Variants in DNAH6 observed in about 807,000 individuals in gnomAD.
DNAH6 encodes the protein dynein axonemal heavy chain 6.
DNAH6 carries 340 observed loss-of-function variants against 491.4 expected under a neutral mutation model. The observed-to-expected ratio is 0.69, with a 90% confidence interval of 0.63 to 0.76. DNAH6 has a LOEUF of 0.76. DNAH6 is among the 30% of genes least tolerant of loss of function. The probability of loss-of-function intolerance (pLI) is 0.00; values close to 1 mark genes in which losing one functional copy is unlikely to be tolerated. For synonymous variants in DNAH6, 1,603 were observed against 1,686.1 expected (o/e 0.95, Z 1.21); for missense variants, 4,443 against 4,972.2 (o/e 0.89, Z 3.20).
At chr2:84,604,153 G>A (rs752459322) in intron 18 of DNAH6, among the ~76,000 whole-genome samples, 186 bp from the exon 19 acceptor site, 2 of 152,062 alleles carry the variant, frequency 1.3e-5, no homozygotes, top group Non-Finnish European at 2.9e-5. Context: ...TTCTGCCCCC[G>A]CAAACTTGGT....
Position 84,688,570 on chromosome 2 carries a change from G to T in DNAH6, c.7269G>T (p.Gln2423His), listed in dbSNP as rs1344862686. The T allele has an allele frequency of 3.2e-6, 5 of 1,542,688 alleles. No homozygotes were observed. In the Admixed American group the frequency reaches 8.3e-5, roughly 26 times the overall value. ...AAGAAGTAAAGTTGGTGTTCTTCCA[G>T]GATGCTATAGAACATGTTTCAAGGT... ...NPKEVKLVFF[Q>H]DAIEHVSRIA... Residue 2423 changes from glutamine to histidine, a missense_variant, in exon 45 of 77, where the codon CAG becomes CAT. Around this residue, in one of 3 missense-constraint regions of DNAH6, gnomAD observed 2,977 missense variants for 3,296.6 expected, o/e 0.90. Transcript: ENST00000389394.
intron 46 of DNAH6, among the ~76,000 whole-genome samples, chr2:84,694,901 A>G (rs1416380173): frequency 5.3e-5 from 8 of 152,228 alleles, no homozygotes. Flanking sequence ...ATCTATATCT[A>G]CAACAGCTAA....
intron 12 of DNAH6, among the ~76,000 whole-genome samples, chr2:84,576,125 C>G (rs918230176): frequency 2.6e-5 from 4 of 152,192 alleles, no homozygotes; most frequent in Non-Finnish European, 5.9e-5. Context: ...AACAGCGCAG[C>G]ATTATACGGG....
chr2:84,644,688 A>G (rs1689736090), intron 33 of DNAH6, among the ~76,000 whole-genome samples: 1 of 152,144 alleles, frequency 6.6e-6, no homozygotes, highest in African/African-American at 2.4e-5. Flanking sequence ...AAGAGCATAC[A>G]GTATTTGATG....
At chr2:84,635,456 C>T in intron 30 of DNAH6, among the ~76,000 whole-genome samples, 1 of 152,308 alleles carries the variant, frequency 6.6e-6, no homozygotes, top group East Asian at 1.9e-4. Context: ...TATCTGTACT[C>T]CCTCTTGTTC....
At chr2:84,786,538 C>T (rs58645050) in intron 67 of DNAH6, among the ~76,000 whole-genome samples, 5,790 of 151,954 alleles carry the variant, frequency 0.038, 129 homozygotes, top group Middle Eastern at 0.096. Flanking sequence ...GCCCTTGTTC[C>T]GCTAACAAAA....
intron 53 of DNAH6, 91 bp downstream of exon 53, chr2:84,707,110 C>A (rs1053338262): frequency 1.5e-6 from 2 of 1,364,406 alleles, no homozygotes; most frequent in Non-Finnish European, 1.9e-6. Context: ...CAGCTTTTAT[C>A]CAATGTGTAG....
intron 4 of DNAH6, among the ~76,000 whole-genome samples, chr2:84,530,901 A>C (rs1291288428): frequency 6.6e-6 from 1 of 152,156 alleles, no homozygotes; most frequent in East Asian, 1.9e-4. Context: ...GACAGTTCTC[A>C]GTTAATTTAG....
chr2:84,528,938 C>T lies in DNAH6; in HGVS notation c.434C>T (p.Ser145Phe). 3 of 1,549,732 alleles carry T rather than the reference C, an allele frequency of 1.9e-6. No homozygotes were observed. The highest frequency in any genetic ancestry group is 2.0e-5 in the Admixed American group (1 of 50,856). Residue 145 changes from serine (S) to phenylalanine (F), a missense_variant, in exon 4 of 77, where the codon TCT (serine) becomes TTT (phenylalanine). By Grantham distance (155) the Ser-to-Phe change is radical (BLOSUM62 -2). Transcript: ENST00000389394. ...CCCTATGTTGAGGTGTTCTCTCCCT[C>T]TCCTCCTAAACTGCCACATACTGGT... ...HRPYVEVFSPSPPKLPHTGIG... is the reference protein window; with the variant it reads ...HRPYVEVFSPFPPKLPHTGIG...
intron 47 of DNAH6, among the ~76,000 whole-genome samples, chr2:84,698,085 A>G (rs1695557240): frequency 6.6e-6 from 1 of 152,178 alleles, no homozygotes. Flanking sequence ...GCCCTTGCCT[A>G]GCAGCAATGT....
chr2:84,461,315 G>A, the DNAH6 span, among the ~76,000 whole-genome samples: 15 of 152,158 alleles, frequency 9.9e-5, no homozygotes, highest in Non-Finnish European at 1.3e-4. Flanking sequence ...CCTGTAATCG[G>A]TTGCAGAAAT....
intron 68 of DNAH6, among the ~76,000 whole-genome samples, chr2:84,791,771 A>C (rs570239616): frequency 6.6e-6 from 1 of 151,970 alleles, no homozygotes; most frequent in South Asian, 2.1e-4. Flanking sequence ...TTTAAAAAAG[A>C]TAGGAGTAAA....
chr2:84,592,073 A>C (rs931257630), intron 16 of DNAH6, among the ~76,000 whole-genome samples: 24 of 152,302 alleles, frequency 1.6e-4, no homozygotes, highest in African/African-American at 5.8e-4. Context: ...TGTAACAAAA[A>C]CAGAAATAGA....
chr2:84,462,058 C>T, the DNAH6 span, among the ~76,000 whole-genome samples: 1 of 152,236 alleles, frequency 6.6e-6, no homozygotes, highest in Non-Finnish European at 1.5e-5. Flanking sequence ...ACCTACCTCC[C>T]ATTTTATTCC....
intron 8 of DNAH6, among the ~76,000 whole-genome samples, chr2:84,549,375 G>T (rs1382145131): frequency 6.6e-6 from 1 of 152,138 alleles, no homozygotes; most frequent in African/African-American, 2.4e-5. Flanking sequence ...GAGCAGAATA[G>T]TACTATTCTA....
At chr2:84,633,065 G>T (rs1432696901) in intron 29 of DNAH6, among the ~76,000 whole-genome samples, 1 of 152,292 alleles carries the variant, frequency 6.6e-6, no homozygotes, top group South Asian at 2.1e-4. Context: ...TATAGAATGT[G>T]TGGCCAGCAG....
At position 84,699,944 on chromosome 2, in the gene DNAH6, AG is replaced by A. The variant is rs11342703; in HGVS notation, c.7818+211del. Among the ~76,000 whole-genome samples the A allele has an allele frequency of 0.14, 21,152 of 152,194 alleles. 2,185 individuals carry two copies. Among genetic ancestry groups the A allele is most frequent in the African/African-American group, 0.29 (12,091 of 41,488 alleles). On this transcript the variant is annotated intron_variant, in intron 48 of 76. Transcript: ENST00000389394. Reference sequence around the variant, plus strand: ...AGACCATTGAATTTAGCAATGTGGAAGTTATCAGCTATCTTGACAAAATCTG... The same window carrying A: ...AGACCATTGAATTTAGCAATGTGGAATTATCAGCTATCTTGACAAAATCTG...
chr2:84,465,402 G>A, the DNAH6 span, among the ~76,000 whole-genome samples: 3 of 152,114 alleles, frequency 2.0e-5, no homozygotes, highest in African/African-American at 7.2e-5. Flanking sequence ...GACTGAGGCA[G>A]GAGAATGGGG....
At position 84,819,529 on chromosome 2, in the gene DNAH6, T is replaced by C. The variant is rs767747545; in HGVS notation, c.*121T>C. The C allele has an allele frequency of 5.0e-6, 3 of 596,698 alleles. No homozygotes were observed. Among genetic ancestry groups the C allele is most frequent in the Non-Finnish European group, 5.7e-6 (2 of 351,272 alleles). 37.0% of individuals were successfully genotyped at this position (596,698 alleles called of 1,614,324 possible). ...TTAATTCTGATTTGACTTAAACGTATTGTGACTTTTATTTCTCTTATGACC... is the reference window on the plus strand; with the variant it reads ...TTAATTCTGATTTGACTTAAACGTACTGTGACTTTTATTTCTCTTATGACC... On this transcript the variant is annotated 3_prime_UTR_variant, in exon 77 of 77. Transcript: ENST00000389394.
Sources: gnomAD v4.1 joint callset for allele counts (sites outside exome capture counted in the v4.1 genomes callset) on GRCh38, gnomAD v4.1.1 for gene constraint, gnomAD v4.1.1 regional missense constraint, MANE v1.5 for transcripts, NCBI Gene and HGNC (gene_info 2026-07-23, HGNC 2026-07-21) for gene names.